The following AGBL4 variants were observed in gnomAD, a reference collection of about 807,000 sequenced individuals.
The protein encoded by AGBL4 is cytosolic carboxypeptidase 6.
In AGBL4, 58 loss-of-function variants were observed where a neutral mutation model predicts 66.4. The observed-to-expected ratio is 0.87, with a 90% CI of 0.71 to 1.09. AGBL4 has a LOEUF of 1.09. Ranked by LOEUF, AGBL4 falls within the 50% of genes least tolerant of loss-of-function variation. The pLI is 0.00. For synonymous variants in AGBL4, 234 were observed against 222.9 expected (o/e 1.05, Z -0.44); for missense variants, 579 against 631.0 (o/e 0.92, Z 0.88).
chr1:49,914,960 C>T (rs1651246328), intron 1 of AGBL4, among the ~76,000 whole-genome samples: 1 of 152,098 alleles, frequency 6.6e-6, no homozygotes, highest in African/African-American at 2.4e-5. Context: ...GACCTAATCA[C>T]CTCTTAAAGG....
chr1:49,138,196 G>T (rs1385857642), intron 4 of AGBL4, among the ~76,000 whole-genome samples: 1 of 152,078 alleles, frequency 6.6e-6, no homozygotes, highest in Non-Finnish European at 1.5e-5. Flanking sequence ...TTTATAAGTT[G>T]TCCCTGCCAG....
intron 3 of AGBL4, among the ~76,000 whole-genome samples, chr1:49,287,675 C>T (rs1303428414): frequency 6.6e-6 from 1 of 152,204 alleles, no homozygotes; most frequent in East Asian, 1.9e-4. Flanking sequence ...TACCATCTCA[C>T]ACCAGTTAGA....
chr1:49,782,228 C>G lies in AGBL4; in HGVS notation c.157+69168G>C, dbSNP rs543091182. ...AAACCAAAAACTTTAGCTAGAATGA[C>G]CAAGAAAGAACAAAGACACAAACTA... On this transcript the variant is annotated intron_variant, in intron 2 of 13. Transcript: ENST00000371839. Among the ~76,000 whole-genome samples, 45 of 151,768 alleles carry G rather than the reference C, an allele frequency of 3.0e-4. 2 individuals carry two copies. The South Asian group carries it at 8.8e-3, about 30-fold the overall frequency.
chr1:49,509,094 G>GT (rs1474164483), intron 3 of AGBL4, among the ~76,000 whole-genome samples: 4 of 151,720 alleles, frequency 2.6e-5, no homozygotes, highest in African/African-American at 4.8e-5. Flanking sequence ...TATTCAAATG[G>GT]GAGAAGACAC....
intron 1 of AGBL4, among the ~76,000 whole-genome samples, chr1:49,883,482 G>A (rs1342023530): frequency 6.6e-6 from 1 of 151,956 alleles, no homozygotes; most frequent in African/African-American, 2.4e-5. Flanking sequence ...TTTACCTCTA[G>A]TGATTATGGT....
chr1:48,976,701 C>T (rs1272093373), intron 5 of AGBL4, among the ~76,000 whole-genome samples: 1 of 152,042 alleles, frequency 6.6e-6, no homozygotes, highest in Non-Finnish European at 1.5e-5. Flanking sequence ...GTCAAGCATG[C>T]ATCTACCTCT....
chr1:49,527,031 T>C (rs1650711618), intron 3 of AGBL4, among the ~76,000 whole-genome samples: 1 of 152,206 alleles, frequency 6.6e-6, no homozygotes, highest in South Asian at 2.1e-4. Context: ...TTATCCTTTC[T>C]CTTATTTAAG....
chr1:48,728,047 G>C, intron 6 of AGBL4: 2 of 1,582,238 alleles, frequency 1.3e-6, no homozygotes, highest in Non-Finnish European at 1.7e-6. Context: ...AAACACTCTA[G>C]ACGGGGAGAA....
chr1:48,754,427 A>G (rs1339776247), intron 6 of AGBL4, among the ~76,000 whole-genome samples: 1 of 152,216 alleles, frequency 6.6e-6, no homozygotes, highest in East Asian at 1.9e-4. Flanking sequence ...CCTGGAACAA[A>G]GGATACCCTC....
intron 2 of AGBL4, among the ~76,000 whole-genome samples, chr1:49,780,261 C>A (rs1040144675): frequency 6.6e-6 from 1 of 151,882 alleles, no homozygotes; most frequent in African/African-American, 2.4e-5. Flanking sequence ...ATTTTTAAAG[C>A]AATTTTTAAA....
At chr1:49,386,829 A>T (rs55721306) in intron 3 of AGBL4, among the ~76,000 whole-genome samples, 3,768 of 152,044 alleles carry the variant, frequency 0.025, 67 homozygotes, top group Non-Finnish European at 0.035. Context: ...TATTCTCTCT[A>T]GCTAGTTAAT....
intron 6 of AGBL4, among the ~76,000 whole-genome samples, chr1:48,674,210 C>G (rs745705551): frequency 1.1e-4 from 16 of 152,204 alleles, no homozygotes; most frequent in Non-Finnish European, 1.8e-4. Flanking sequence ...GCAAAGGGAA[C>G]TTTGTCTTGT....
At chr1:48,663,452 C>T (rs775530506) in intron 6 of AGBL4, among the ~76,000 whole-genome samples, 1 of 152,164 alleles carries the variant, frequency 6.6e-6, no homozygotes, top group African/African-American at 2.4e-5. Context: ...TTTGTTGGTA[C>T]AACTGATCAT....
At chr1:49,926,362 G>A (rs182811267) in intron 1 of AGBL4, among the ~76,000 whole-genome samples, 11 of 152,276 alleles carry the variant, frequency 7.2e-5, no homozygotes, top group African/African-American at 2.4e-4. Flanking sequence ...TGCAGTGACC[G>A]AAAACTTAGA....
chr1:49,280,708 A>G (rs546878267), intron 3 of AGBL4, among the ~76,000 whole-genome samples: 1 of 152,348 alleles, frequency 6.6e-6, no homozygotes, highest in South Asian at 2.1e-4. Flanking sequence ...TAGATTCTAC[A>G]GATACCTGGC....
At chr1:49,573,204 A>G (rs941223279) in intron 3 of AGBL4, among the ~76,000 whole-genome samples, 2 of 144,088 alleles carry the variant, frequency 1.4e-5, no homozygotes, top group African/African-American at 5.2e-5. Flanking sequence ...TTTTAGTTCT[A>G]TCCCTCTAGA....
intron 3 of AGBL4, among the ~76,000 whole-genome samples, chr1:49,337,852 C>G (rs907240215): frequency 1.3e-5 from 2 of 152,184 alleles, no homozygotes; most frequent in Non-Finnish European, 2.9e-5. Context: ...TTGCAAAGTG[C>G]CAATCTCCAC....
chr1:48,717,905 T>C (rs1647078873), intron 6 of AGBL4, among the ~76,000 whole-genome samples: 1 of 152,198 alleles, frequency 6.6e-6, no homozygotes, highest in Admixed American at 6.5e-5. Flanking sequence ...ACTATAATGC[T>C]AAGTCCCAAA....
intron 3 of AGBL4, among the ~76,000 whole-genome samples, chr1:49,593,672 A>G (rs1005919197): frequency 6.6e-6 from 1 of 152,222 alleles, no homozygotes; most frequent in African/African-American, 2.4e-5. Context: ...GGGGCAGGTT[A>G]CATAACCTTT....
Sources: gnomAD v4.1 joint callset for allele counts (sites outside exome capture counted in the v4.1 genomes callset) on GRCh38, gnomAD v4.1.1 for gene constraint, MANE v1.5 for transcripts, NCBI Gene and HGNC (gene_info 2026-07-23, HGNC 2026-07-21) for gene names.